Variants in CSMD2 observed in about 807,000 individuals in gnomAD.
The protein encoded by CSMD2 is CUB and Sushi multiple domains 2.
CSMD2 carries 130 observed loss-of-function variants against 398.5 expected under a neutral mutation model. The ratio of observed to expected loss-of-function variants is 0.33; its 90% CI spans 0.28 to 0.38. The LOEUF is 0.38. Among genes scored for constraint, CSMD2 ranks in the 10% least tolerant of loss-of-function variants. The pLI is 1.00. For synonymous variants in CSMD2, 1,828 were observed against 1,908.5 expected (o/e 0.96, Z 1.10); for missense variants, 3,829 against 4,764.9 (o/e 0.80, Z 5.78).
chr1:33,882,837 C>T (rs1041267012), intron 5 of CSMD2, among the ~76,000 whole-genome samples: 1 of 152,126 alleles, frequency 6.6e-6, no homozygotes, highest in Non-Finnish European at 1.5e-5. Context: ...TCCTTCTTTC[C>T]TTCCCTTCTC....
chr1:33,603,936 G>A (rs1425963415), intron 42 of CSMD2, among the ~76,000 whole-genome samples: 25 of 152,172 alleles, frequency 1.6e-4, no homozygotes, highest in Admixed American at 1.6e-3. Context: ...TTCAGCTTAG[G>A]CTGGAACATA....
rs753099499 is a variant in CSMD2 at position 33,572,526 on chromosome 1, T to A, written c.7742A>T (p.Asn2581Ile). ...CLDTGLWSNR[N>I]VPPQCVPVTC... ...CTCACGGACACACTGTGGTGGGACA[T>A]TGCGGTTGCTCCATAGGCCTGTGTC... Residue 2581 changes from asparagine (N) to isoleucine (I), a missense_variant, in exon 50 of 71, where the codon AAT (asparagine) becomes ATT (isoleucine). Asn to Ile is a moderately radical substitution (Grantham distance 149, BLOSUM62 -3). Coordinates refer to ENST00000373381, the MANE Select transcript of CSMD2 (RefSeq NM_001281956.2). The A allele has an allele frequency of 3.7e-6, 6 of 1,609,520 alleles. No individual in the cohort carries two copies. Among genetic ancestry groups the A allele is most frequent in the Non-Finnish European group, 5.1e-6 (6 of 1,177,238 alleles).
chr1:33,919,030 T>C (rs1299800078), intron 4 of CSMD2, among the ~76,000 whole-genome samples: 1 of 152,168 alleles, frequency 6.6e-6, no homozygotes, highest in Admixed American at 6.5e-5. Flanking sequence ...GAAAGAACAC[T>C]GGCTATGGTA....
rs150520685 is a variant in CSMD2 at position 34,132,862 on chromosome 1, C to T, written c.187+32049G>A. Reference sequence around the variant, plus strand: ...AATTACACCATCAGTTTTCCTGGGTCTGCAGCTTACAGGTGGCAGATTGTG... The same window carrying T: ...AATTACACCATCAGTTTTCCTGGGTTTGCAGCTTACAGGTGGCAGATTGTG... On this transcript the variant is annotated intron_variant, in intron 1 of 70. Transcript: ENST00000373381. Among the ~76,000 whole-genome samples the T allele has an allele frequency of 4.1e-3, 628 of 152,300 alleles. 3 individuals are homozygous for T. Among genetic ancestry groups the T allele is most frequent in the African/African-American group, 0.014 (588 of 41,562 alleles).
chr1:33,805,889 A>G (rs1426800136), intron 10 of CSMD2, among the ~76,000 whole-genome samples: 7 of 152,014 alleles, frequency 4.6e-5, no homozygotes, highest in Non-Finnish European at 8.8e-5. Context: ...TAAGCTATCT[A>G]GTGGGCAGTA....
intron 1 of CSMD2, among the ~76,000 whole-genome samples, chr1:34,137,035 T>C (rs1638820108): frequency 6.6e-6 from 1 of 152,136 alleles, no homozygotes; most frequent in Non-Finnish European, 1.5e-5. Flanking sequence ...CCTTCCATCC[T>C]AGTCATCCAT....
chr1:33,613,247 G>A (rs1641165245), intron 40 of CSMD2, among the ~76,000 whole-genome samples: 1 of 152,144 alleles, frequency 6.6e-6, no homozygotes, highest in Non-Finnish European at 1.5e-5. Flanking sequence ...AGGTGAAAAT[G>A]GTGGCTGAAC....
intron 1 of CSMD2, among the ~76,000 whole-genome samples, chr1:34,120,036 A>T (rs1291360795): frequency 1.3e-5 from 2 of 152,238 alleles, no homozygotes; most frequent in Non-Finnish European, 2.9e-5. Context: ...ACCTACATGG[A>T]TGAATGGATA....
At chr1:33,604,836 G>C (rs773519708) in intron 42 of CSMD2, among the ~76,000 whole-genome samples, 1 of 152,134 alleles carries the variant, frequency 6.6e-6, no homozygotes, top group African/African-American at 2.4e-5. Flanking sequence ...AATGGAGCAG[G>C]GAGGGGGAAG....
In CSMD2 at chr1:33,797,275, C is replaced by T. The variant is rs543821207; in HGVS notation, c.1447-4749G>A. Among the ~76,000 whole-genome samples the T allele has an allele frequency of 3.6e-3, 551 of 152,342 alleles. 2 individuals are homozygous for T. The highest frequency in any genetic ancestry group is 0.012 in the African/African-American group (517 of 41,566). ...GGTTCAGGTGGACAGCACGGTCCTA[C>T]TGTTATGTGATGTCATCCCTGGAGG... is the stretch of plus-strand genomic sequence containing the variant. On this transcript the variant is annotated intron_variant, in intron 10 of 70. Transcript: ENST00000373381.
At chr1:33,732,938 C>T (rs1292010785) in intron 15 of CSMD2, among the ~76,000 whole-genome samples, 1 of 152,194 alleles carries the variant, frequency 6.6e-6, no homozygotes, top group Admixed American at 6.5e-5. Flanking sequence ...AACCTCATTT[C>T]ATAGCTGAGG....
intron 22 of CSMD2, among the ~76,000 whole-genome samples, chr1:33,701,706 G>A (rs1221574154): frequency 1.3e-5 from 2 of 152,242 alleles, no homozygotes; most frequent in Non-Finnish European, 2.9e-5. Flanking sequence ...CCAGATCCTT[G>A]TGTAATTGCT....
At chr1:33,928,659 G>A (rs150776509) in intron 4 of CSMD2, among the ~76,000 whole-genome samples, 11 of 152,328 alleles carry the variant, frequency 7.2e-5, no homozygotes, top group Non-Finnish European at 1.3e-4. Flanking sequence ...ATCGTGAAAC[G>A]TTCTGGTATA....
intron 9 of CSMD2, among the ~76,000 whole-genome samples, chr1:33,818,763 T>C (rs958048100): frequency 2.6e-5 from 4 of 152,352 alleles, no homozygotes; most frequent in African/African-American, 7.2e-5. Context: ...AGATTACTTA[T>C]GGACTCAGTT....
chr1:33,526,196 G>C (rs1170013734), intron 65 of CSMD2, among the ~76,000 whole-genome samples: 5 of 152,158 alleles, frequency 3.3e-5, no homozygotes, highest in Admixed American at 3.3e-4. Flanking sequence ...CAGAAGAAGG[G>C]AGGAGAAAAG....
intron 3 of CSMD2, among the ~76,000 whole-genome samples, chr1:34,008,605 T>C (rs1037687848): frequency 2.6e-5 from 4 of 152,228 alleles, no homozygotes; most frequent in African/African-American, 7.2e-5. Flanking sequence ...AGGAGAACAA[T>C]AGGTTCACGT....
rs764761479 is a variant in CSMD2, at chr1:33,519,886, T to C, written c.10662A>G (p.Ser3554=). The change falls in exon 69 of 71, where the codon TCA becomes TCG. Residue 3554 remains serine, a synonymous_variant. Coordinates refer to ENST00000373381, the MANE Select transcript of CSMD2 (RefSeq NM_001281956.2). The surrounding 1 kb of genome is among the most constrained non-coding windows in gnomAD (Gnocchi z 5.6). The stretch of plus-strand genomic sequence containing the variant: ...AAGGCACCAGGATCGCGGCTGCCAC[T>C]GAGCTGCTGTTGGAAGCAAAGTGGC... ...IGRHFASNSS[S]VAAAILVPFI... is the part of the protein sequence containing the mutation. 10 of 1,614,010 alleles carry C rather than the reference T, an allele frequency of 6.2e-6. No individual in the cohort carries two copies. In the Admixed American group the frequency reaches 1.2e-4, roughly 19 times the overall value.
At chr1:34,012,824 C>A (rs1189928097) in intron 3 of CSMD2, among the ~76,000 whole-genome samples, 2 of 152,172 alleles carry the variant, frequency 1.3e-5, no homozygotes, top group African/African-American at 2.4e-5. Context: ...CACACACAGT[C>A]ACATAAACAA....
chr1:33,953,413 G>C (rs555490871), intron 3 of CSMD2, among the ~76,000 whole-genome samples: 4 of 152,320 alleles, frequency 2.6e-5, no homozygotes, highest in East Asian at 1.9e-4. Flanking sequence ...CGCACAGTCT[G>C]TCTGTCCTGC....
Sources: allele counts gnomAD v4.1 joint callset (sites outside exome capture counted in the v4.1 genomes callset), GRCh38; gene constraint gnomAD v4.1.1; non-coding constraint Gnocchi (gnomAD v3.1); transcripts MANE v1.5; gene names NCBI Gene and HGNC (gene_info 2026-07-23, HGNC 2026-07-21).